FSTL4: variants seen among roughly 807,000 people sequenced by gnomAD.
The protein encoded by FSTL4 is follistatin-related protein 4.
Under a neutral mutation model 78.2 loss-of-function variants are expected in FSTL4, and 28 were observed. That is an observed-to-expected ratio of 0.36 (90% CI 0.27 to 0.49). The LOEUF (loss-of-function observed/expected upper bound fraction) is 0.49, where lower values mean the gene tolerates loss of function less well. Ranked by LOEUF, FSTL4 falls within the 20% of genes least tolerant of loss-of-function variation. The pLI, the probability that FSTL4 is intolerant of heterozygous loss-of-function variation, is 0.98. For synonymous variants in FSTL4, 422 were observed against 440.5 expected (o/e 0.96, Z 0.53); for missense variants, 922 against 1,084.9 (o/e 0.85, Z 2.11).
rs566077791 is a variant in FSTL4, at chr5:133,549,950, T to G, written c.160+17236A>C. Among the ~76,000 whole-genome samples, 3 of 152,300 alleles carry G rather than the reference T, an allele frequency of 2.0e-5. No homozygotes were observed. In the East Asian group the frequency reaches 5.8e-4, roughly 29 times the overall value. Reference sequence around the variant, plus strand: ...TAGAGAGGTAGCCTACTGGGGTCTGTTGGGGTCTCAGCTTTTATGTAGAGG... The same window carrying G: ...TAGAGAGGTAGCCTACTGGGGTCTGGTGGGGTCTCAGCTTTTATGTAGAGG... On this transcript the variant is annotated intron_variant, in intron 3 of 15. Coordinates refer to ENST00000265342, the MANE Select transcript of FSTL4 (RefSeq NM_015082.2).
intron 3 of FSTL4, among the ~76,000 whole-genome samples, chr5:133,425,631 T>C (rs1044328460): frequency 2.6e-5 from 4 of 152,254 alleles, no homozygotes; most frequent in African/African-American, 9.6e-5. Flanking sequence ...TTTCTTTGAA[T>C]AGCCCTTCTG....
rs1761115142 is a variant in FSTL4, at chr5:133,612,283, A to C, written c.-11+42T>G. On this transcript the variant is annotated intron_variant, in intron 1 of 15. Transcript: ENST00000265342. This position sits in a 1 kb window ranked among gnomAD's most constrained non-coding sequence, Gnocchi z 6.2. ...ACCGGCTGGTGGCGGCGCCAGCGAC[A>C]TGGCACCCTCCCCGCGCCCGCTGGG... 1 of 148,818 alleles carries C rather than the reference A, an allele frequency of 6.7e-6. No individual in the cohort carries two copies. The highest frequency in any genetic ancestry group is 1.5e-5 in the Non-Finnish European group (1 of 66,918). 9.2% of individuals were successfully genotyped at this position (148,818 alleles called of 1,614,324 possible).
intron 6 of FSTL4, among the ~76,000 whole-genome samples, chr5:133,255,534 G>C (rs938559910): frequency 2.0e-5 from 3 of 152,228 alleles, no homozygotes; most frequent in Non-Finnish European, 4.4e-5. Context: ...GCTAGGCTGC[G>C]TGTCCCACAG....
intron 14 of FSTL4, among the ~76,000 whole-genome samples, chr5:133,205,774 CTTTG>C (rs1382128984): frequency 3.6e-5 from 5 of 139,586 alleles, no homozygotes; most frequent in South Asian, 2.4e-4. Flanking sequence ...GTTTGCATCT[CTTTG>C]TTTGTAATCA....
At chr5:133,690,747 C>G in the FSTL4 span, among the ~76,000 whole-genome samples, 1 of 152,188 alleles carries the variant, frequency 6.6e-6, no homozygotes, top group Non-Finnish European at 1.5e-5. Flanking sequence ...TTTTTGTAAA[C>G]CTTTGCCTAT....
the FSTL4 span, among the ~76,000 whole-genome samples, chr5:133,656,292 T>C: frequency 6.6e-6 from 1 of 152,070 alleles, no homozygotes; most frequent in Admixed American, 6.5e-5. Flanking sequence ...ATAAAACACA[T>C]GTCTCTAAGT....
intron 2 of FSTL4, among the ~76,000 whole-genome samples, chr5:133,567,965 C>CA (rs1760064753): frequency 6.6e-6 from 1 of 152,142 alleles, no homozygotes; most frequent in African/African-American, 2.4e-5. Flanking sequence ...CTTGTAAATA[C>CA]CAGCATTTCA....
chr5:133,447,477 G>A (rs1033929818), intron 3 of FSTL4, among the ~76,000 whole-genome samples: 5 of 152,128 alleles, frequency 3.3e-5, no homozygotes, highest in East Asian at 1.9e-4. Flanking sequence ...CCTGCAGCTC[G>A]AATTCCATAA....
chr5:133,782,558 C>CTTTCCAT, the FSTL4 span, among the ~76,000 whole-genome samples: 1 of 152,232 alleles, frequency 6.6e-6, no homozygotes, highest in African/African-American at 2.4e-5. Flanking sequence ...AGAGTGCTTC[C>CTTTCCAT]CTGTGATCTT....
intron 4 of FSTL4, among the ~76,000 whole-genome samples, chr5:133,349,187 C>G (rs1754763516): frequency 6.6e-6 from 1 of 152,220 alleles, no homozygotes; most frequent in African/African-American, 2.4e-5. Context: ...GTGAGACCCA[C>G]AAACCCAGAG....
chr5:133,240,037 C>G (rs569709110), intron 7 of FSTL4, among the ~76,000 whole-genome samples: 1 of 152,306 alleles, frequency 6.6e-6, no homozygotes, highest in Admixed American at 6.5e-5. Context: ...TGTTCTTTTG[C>G]TCTTTGCAAT....
At chr5:133,818,948 T>TAC in the FSTL4 span, among the ~76,000 whole-genome samples, 6 of 131,758 alleles carry the variant, frequency 4.6e-5, no homozygotes, top group East Asian at 2.4e-4. Context: ...TATATATATG[T>TAC]ACACACACAC....
intron 2 of FSTL4, among the ~76,000 whole-genome samples, chr5:133,578,329 C>A (rs971142631): frequency 5.3e-5 from 8 of 152,276 alleles, no homozygotes; most frequent in African/African-American, 1.4e-4. Context: ...AGCTGCTCCA[C>A]CAGCTGCAGG....
chr5:133,456,603 A>G (rs1580721062), intron 3 of FSTL4, among the ~76,000 whole-genome samples: 2 of 152,324 alleles, frequency 1.3e-5, no homozygotes, highest in East Asian at 3.9e-4. Context: ...TTGGGTTAGG[A>G]CCCAATAGTA....
At chr5:133,292,148 G>A (rs1380297005) in intron 6 of FSTL4, among the ~76,000 whole-genome samples, 2 of 152,104 alleles carry the variant, frequency 1.3e-5, no homozygotes, top group Non-Finnish European at 1.5e-5. Flanking sequence ...GGTACTTCCC[G>A]AGCCTGGGTC....
chr5:133,396,376 A>G (rs894017963), intron 4 of FSTL4, among the ~76,000 whole-genome samples: 1 of 152,238 alleles, frequency 6.6e-6, no homozygotes, highest in Non-Finnish European at 1.5e-5. Context: ...CACGTGCCAA[A>G]GCAGTGCCCT....
chr5:133,502,013 C>A (rs572388218), intron 3 of FSTL4, among the ~76,000 whole-genome samples: 1 of 152,088 alleles, frequency 6.6e-6, no homozygotes, highest in Non-Finnish European at 1.5e-5. Flanking sequence ...GCAAGGGACA[C>A]CTGGGGCTTC....
the FSTL4 span, among the ~76,000 whole-genome samples, chr5:133,666,895 AT>A: frequency 6.6e-6 from 1 of 152,188 alleles, no homozygotes; most frequent in Non-Finnish European, 1.5e-5. Flanking sequence ...AAGGATCATT[AT>A]TTCCCTGGTA....
chr5:133,346,240 C>T lies in FSTL4; in HGVS notation c.410-29588G>A, dbSNP rs138548543. On this transcript the variant is annotated intron_variant, in intron 4 of 15. Transcript: ENST00000265342. ...GGGAATATCACACACTGCGGCCTGTCAGGGGGTTGGGGGCAAGGGGAGGGA... is the reference window on the plus strand; with the variant it reads ...GGGAATATCACACACTGCGGCCTGTTAGGGGGTTGGGGGCAAGGGGAGGGA... Among the ~76,000 whole-genome samples, 837 of 151,912 alleles carry T rather than the reference C, an allele frequency of 5.5e-3. 5 individuals are homozygous for T. The highest frequency in any genetic ancestry group is 0.019 in the African/African-American group (801 of 41,388).
Sources: allele counts gnomAD v4.1 joint callset (sites outside exome capture counted in the v4.1 genomes callset), GRCh38; gene constraint gnomAD v4.1.1; non-coding constraint Gnocchi (gnomAD v3.1); transcripts MANE v1.5; gene names NCBI Gene and HGNC (gene_info 2026-07-23, HGNC 2026-07-21).